The following TMC3 variants were observed in gnomAD, a reference collection of about 807,000 sequenced individuals.
TMC3 encodes the protein transmembrane channel like 3.
In TMC3, 98 loss-of-function variants were observed where a neutral mutation model predicts 110.6. The observed-to-expected ratio is 0.89, with a 90% CI of 0.75 to 1.05. TMC3 has a LOEUF of 1.05. Among genes scored for constraint, TMC3 ranks in the 50% least tolerant of loss-of-function variants. The pLI is 0.00. For missense variants in TMC3, 1,319 were observed against 1,373.2 expected (o/e 0.96, Z 0.62); for synonymous variants, 489 against 513.1 (o/e 0.95, Z 0.63).
intron 1 of TMC3, among the ~76,000 whole-genome samples, chr15:81,373,580 C>T (rs1035734197): frequency 2.0e-5 from 3 of 152,138 alleles, no homozygotes; most frequent in Non-Finnish European, 2.9e-5. Flanking sequence ...TTAACAAATT[C>T]GAATAGCACT....
Position 81,346,422 on chromosome 15 carries a change from T to G in TMC3, c.1215A>C (p.Gly405=). Residue 405 remains glycine, a synonymous_variant, in exon 12 of 22, where the codon GGA becomes GGC. Transcript: ENST00000359440. ...QLARVLVLYL[G]NLYSLIIALL... ...GAGCAATGATCAGGCTGTAGAGATT[T>G]CCCAAATACAGCACAAGGACCCTGA... The G allele has an allele frequency of 6.2e-7, 1 of 1,613,582 alleles. No individual in the cohort carries two copies. The highest frequency in any genetic ancestry group is 8.5e-7 in the Non-Finnish European group (1 of 1,179,796).
chr15:81,339,006 C>G (rs1395421658), intron 17 of TMC3, among the ~76,000 whole-genome samples: 1 of 152,110 alleles, frequency 6.6e-6, no homozygotes, highest in Admixed American at 6.5e-5. Context: ...CATATTGTAT[C>G]AAAGCTGACT....
intron 15 of TMC3, 192 bp from the exon 16 acceptor site, chr15:81,341,710 T>G (rs2141697188): frequency 2.2e-6 from 1 of 446,858 alleles, no homozygotes; most frequent in Non-Finnish European, 4.0e-6. Context: ...TCACTGAAGG[T>G]GGGTATTGAT....
intron 9 of TMC3, among the ~76,000 whole-genome samples, chr15:81,352,193 G>A (rs563340506): frequency 6.6e-6 from 1 of 152,190 alleles, no homozygotes; most frequent in Non-Finnish European, 1.5e-5. Context: ...AGGAATTCAA[G>A]TAAATGTGTT....
At chr15:81,353,424 C>G (rs773658461) in intron 9 of TMC3, among the ~76,000 whole-genome samples, 3 of 152,222 alleles carry the variant, frequency 2.0e-5, no homozygotes, top group Non-Finnish European at 2.9e-5. Flanking sequence ...TCACTAATCA[C>G]TCATTCATTG....
At chr15:81,344,114 G>A (rs1426094489) in intron 13 of TMC3, 69 bp from the exon 14 acceptor site, 2 of 1,533,874 alleles carry the variant, frequency 1.3e-6, no homozygotes, top group Admixed American at 1.7e-5. Context: ...CCTTCAGGGT[G>A]CTCCTAATCT....
chr15:81,335,096 A>C, intron 20 of TMC3, 121 bp from the exon 21 acceptor site: 1 of 1,065,282 alleles, frequency 9.4e-7, no homozygotes, highest in Non-Finnish European at 1.4e-6. Context: ...AATTGAGTGC[A>C]CTTACAAATG....
In TMC3 at chr15:81,335,054, G is replaced by C. The variant is rs8043294; in HGVS notation, c.2204-79C>G. On this transcript the variant is annotated intron_variant, in intron 20 of 21. Coordinates refer to ENST00000359440, the MANE Select transcript of TMC3 (RefSeq NM_001080532.3). The stretch of plus-strand genomic sequence containing the variant: ...ACTTCAGATGAGTTGAGTTGCAAGG[G>C]TTTTATGACATCCAAGAGTTGGTCC... 2,191 of 1,510,772 alleles carry C rather than the reference G, an allele frequency of 1.5e-3. 31 individuals are homozygous for C. The African/African-American group carries it at 0.026, about 18-fold the overall frequency. The allele number at this position is 1,510,772 out of a possible 1,614,324, so 93.6% of individuals were successfully genotyped here.
intron 15 of TMC3, among the ~76,000 whole-genome samples, chr15:81,341,993 A>G (rs1893725869): frequency 1.3e-5 from 2 of 152,202 alleles, no homozygotes; most frequent in South Asian, 4.1e-4. Flanking sequence ...GTGAGAGGAG[A>G]GGTAAATATC....
chr15:81,366,436 A>G (rs1894319553), intron 3 of TMC3, among the ~76,000 whole-genome samples: 1 of 152,202 alleles, frequency 6.6e-6, no homozygotes. Flanking sequence ...AAAAATTTGG[A>G]TTACCTTACT....
chr15:81,341,345 ATG>A, intron 16 of TMC3, 43 bp downstream of exon 16: 1 of 1,560,572 alleles, frequency 6.4e-7, no homozygotes, highest in Non-Finnish European at 8.7e-7. Context: ...GATTATATAT[ATG>A]TATATATAGT....
At chr15:81,370,231 A>G (rs1301933414) in intron 2 of TMC3, among the ~76,000 whole-genome samples, 1 of 152,212 alleles carries the variant, frequency 6.6e-6, no homozygotes, top group Non-Finnish European at 1.5e-5. Flanking sequence ...CTCTGCTTTT[A>G]TCTGCATCCT....
Position 81,332,245 on chromosome 15 carries a change from A to G in TMC3, c.*174T>C. On this transcript the variant is annotated 3_prime_UTR_variant, in exon 22 of 22. Coordinates refer to ENST00000359440, the MANE Select transcript of TMC3 (RefSeq NM_001080532.3). ...GATAAATTTGGCTAACAGTAGCTGT[A>G]GAATAGGTATCTGTAGCCCTGTCAG... 1 of 933,896 alleles carries G rather than the reference A, an allele frequency of 1.1e-6. No homozygotes were observed. The highest frequency in any genetic ancestry group is 1.5e-6 in the Non-Finnish European group (1 of 654,058). 57.9% of individuals were successfully genotyped at this position (933,896 alleles called of 1,614,324 possible). A position where few individuals can be genotyped will look rare whatever the true frequency, so the allele number is the denominator to read the frequency against.
At chr15:81,361,953 T>C (rs1350702344) in intron 4 of TMC3, 3 of 282,264 alleles carry the variant, frequency 1.1e-5, no homozygotes, top group African/African-American at 6.5e-5. Flanking sequence ...TTGCATTATA[T>C]CTGACTGAAG....
In TMC3 at chr15:81,332,571, C is replaced by A; in HGVS notation, c.3151G>T (p.Asp1051Tyr). 1.2e-6 allele frequency: 2 copies of A among 1,613,966 alleles called. No homozygotes were observed. Among genetic ancestry groups the A allele is most frequent in the Non-Finnish European group, 1.7e-6 (2 of 1,179,888 alleles). Residue 1051 changes from aspartate (D) to tyrosine (Y), a missense_variant, in exon 22 of 22, where the codon GAC becomes TAC. Asp to Tyr is a radical substitution (Grantham distance 160). Transcript: ENST00000359440. Reference protein sequence around the residue: ...SDSVSAASSSDQQNSSADQYL... With the variant: ...SDSVSAASSSYQQNSSADQYL... The stretch of plus-strand genomic sequence containing the variant: ...TGGTCAGCGCTGCTGTTCTGCTGGT[C>A]ACTGCTGGATGCTGCCGACACGGAG...
Position 81,334,939 on chromosome 15 carries a change from A to G in TMC3, c.2240T>C (p.Leu747Pro), listed in dbSNP as rs1273130449. 1 of 1,613,946 alleles carries G rather than the reference A, an allele frequency of 6.2e-7. No homozygotes were observed. Among genetic ancestry groups the G allele is most frequent in the East Asian group, 2.2e-5 (1 of 44,876 alleles). ...GCTGGTAAGATCACTGTCGTTTGGA[A>G]GCTTCTTGGTGCTTTCTTCCTGGGT... The part of the protein sequence containing the change: ...IQTQEESTKK[L>P]PNDSDLTSQL... Residue 747 changes from leucine to proline, a missense_variant, in exon 21 of 22, where the codon CTT becomes CCT. Physicochemically the swap from Leu to Pro is moderately conservative, Grantham distance 98 (BLOSUM62 -3). Coordinates refer to ENST00000359440, the MANE Select transcript of TMC3 (RefSeq NM_001080532.3).
chr15:81,339,015 CTTGAAT>C (rs1893656609), intron 17 of TMC3, among the ~76,000 whole-genome samples: 1 of 152,144 alleles, frequency 6.6e-6, no homozygotes, highest in Admixed American at 6.5e-5. Flanking sequence ...TCAAAGCTGA[CTTGAAT>C]GCTGGATGAA....
intron 10 of TMC3, among the ~76,000 whole-genome samples, chr15:81,349,931 T>G: frequency 7.1e-6 from 1 of 140,604 alleles, no homozygotes; most frequent in Non-Finnish European, 1.5e-5. Context: ...AAGACCAGCC[T>G]GGGCAACACA....
rs761713101 is a variant in TMC3, at chr15:81,349,619, C to T, written c.1084-52G>A. On this transcript the variant is annotated intron_variant, in intron 10 of 21. Transcript: ENST00000359440. The stretch of plus-strand genomic sequence containing the variant: ...AGACATTCCCAGGACCCCCCACCAG[C>T]CCTCACCATGTGCATTTGATCTCTT... 2.1e-5 allele frequency: 24 copies of T among 1,126,134 alleles called. No individual in the cohort carries two copies. In the Middle Eastern group the frequency reaches 6.4e-4, roughly 30 times the overall value. The allele number at this position is 1,126,134 out of a possible 1,614,324, so 69.8% of individuals were successfully genotyped here.
Sources: allele counts gnomAD v4.1 joint callset (sites outside exome capture counted in the v4.1 genomes callset), GRCh38; gene constraint gnomAD v4.1.1; transcripts MANE v1.5; gene names NCBI Gene and HGNC (gene_info 2026-07-23, HGNC 2026-07-21).